The following NOL4 variants were observed in gnomAD, a reference collection of about 807,000 sequenced individuals.
NOL4 encodes cancer/testis antigen 125.
In NOL4, 17 loss-of-function variants were observed where a neutral mutation model predicts 75.9. The ratio of observed to expected loss-of-function variants is 0.22; its 90% CI spans 0.15 to 0.34. NOL4 has a LOEUF of 0.34. NOL4 is among the 10% of genes least tolerant of loss of function. NOL4 has a pLI of 1.00. For missense variants in NOL4, 614 were observed against 793.5 expected (o/e 0.77, Z 2.72); for synonymous variants, 292 against 289.9 (o/e 1.01, Z -0.07).
chr18:33,982,691 T>C (rs1003214048), intron 6 of NOL4, among the ~76,000 whole-genome samples: 3 of 150,840 alleles, frequency 2.0e-5, no homozygotes, highest in African/African-American at 7.3e-5. Flanking sequence ...ACCCAAGATA[T>C]CCTTCAGCAG....
chr18:33,965,628 A>T (rs2070521672), intron 6 of NOL4, among the ~76,000 whole-genome samples: 1 of 152,124 alleles, frequency 6.6e-6, no homozygotes, highest in Non-Finnish European at 1.5e-5. Context: ...TGTGATAGTG[A>T]GTTTTCATGA....
At chr18:34,197,695 C>T (rs967108056) in intron 1 of NOL4, among the ~76,000 whole-genome samples, 2 of 150,948 alleles carry the variant, frequency 1.3e-5, no homozygotes, top group East Asian at 3.9e-4. Flanking sequence ...GAAGTTAATT[C>T]GGTGGAGAGG....
chr18:33,894,345 G>A (rs766556745), intron 9 of NOL4, among the ~76,000 whole-genome samples: 8 of 152,044 alleles, frequency 5.3e-5, no homozygotes, highest in Non-Finnish European at 8.8e-5. Flanking sequence ...ATACAGATAC[G>A]CATACCCTCA....
At chr18:34,218,940 G>A (rs535598231) in intron 1 of NOL4, among the ~76,000 whole-genome samples, 19 of 152,280 alleles carry the variant, frequency 1.2e-4, no homozygotes, top group African/African-American at 4.6e-4. Context: ...CTTTCACTCT[G>A]ATGTAGCATA....
intron 2 of NOL4, chr18:34,121,198 A>T (rs905418508): frequency 6.6e-6 from 1 of 152,228 alleles, no homozygotes; most frequent in African/African-American, 2.4e-5. Context: ...ATTACTTGTG[A>T]CATGAAGAAT....
At chr18:33,972,625 T>C (rs1384720055) in intron 6 of NOL4, among the ~76,000 whole-genome samples, 1 of 152,146 alleles carries the variant, frequency 6.6e-6, no homozygotes, top group Non-Finnish European at 1.5e-5. Context: ...TATACAGGCA[T>C]ACATTGGAGA....
intron 5 of NOL4, among the ~76,000 whole-genome samples, chr18:34,020,528 T>A (rs2074975239): frequency 6.6e-6 from 1 of 152,204 alleles, no homozygotes; most frequent in Admixed American, 6.5e-5. Flanking sequence ...GTTTAATCAT[T>A]GTGTGTATCT....
chr18:34,000,936 T>C (rs1183732550), intron 6 of NOL4, among the ~76,000 whole-genome samples: 1 of 152,114 alleles, frequency 6.6e-6, no homozygotes, highest in Non-Finnish European at 1.5e-5. Context: ...TCATACTGAA[T>C]TATTTTCTAA....
chr18:33,985,231 G>T (rs1417992750), intron 6 of NOL4, among the ~76,000 whole-genome samples: 3 of 152,090 alleles, frequency 2.0e-5, no homozygotes, highest in Non-Finnish European at 4.4e-5. Flanking sequence ...GTTTACCACA[G>T]TTGTAAAATC....
chr18:34,074,536 AATTT>A (rs2077664494), intron 5 of NOL4, among the ~76,000 whole-genome samples: 1 of 151,952 alleles, frequency 6.6e-6, no homozygotes, highest in Non-Finnish European at 1.5e-5. Context: ...TGCTTATCTA[AATTT>A]ATAAGCAATA....
intron 6 of NOL4, among the ~76,000 whole-genome samples, chr18:34,005,035 G>A (rs752879005): frequency 6.6e-6 from 1 of 152,140 alleles, no homozygotes; most frequent in South Asian, 2.1e-4. Flanking sequence ...TAAATGTTGA[G>A]ATACCGTGTT....
intron 2 of NOL4, among the ~76,000 whole-genome samples, chr18:34,113,268 C>T (rs1282640136): frequency 5.9e-5 from 9 of 152,178 alleles, no homozygotes; most frequent in African/African-American, 2.2e-4. Context: ...GCATGAGCAA[C>T]TGCACCTGGC....
At chr18:33,996,164 T>A (rs953551786) in intron 6 of NOL4, among the ~76,000 whole-genome samples, 2 of 151,514 alleles carry the variant, frequency 1.3e-5, no homozygotes, top group African/African-American at 4.8e-5. Context: ...TTCTAGCTAG[T>A]GAAGTTAGAT....
intron 5 of NOL4, among the ~76,000 whole-genome samples, chr18:34,032,638 T>C (rs1234680298): frequency 1.3e-5 from 2 of 152,052 alleles, no homozygotes; most frequent in African/African-American, 4.8e-5. Flanking sequence ...GGGATCCAGA[T>C]AGTTGTCCTG....
Position 33,852,852 on chromosome 18 carries a change from T to C in NOL4, c.1907A>G (p.Gln636Arg). The part of the protein sequence containing the change: ...SADELENLIL[Q>R]QN Reference sequence around the variant, plus strand: ...TGGTGGTCGTCTGTCTCAGTTCTGTTGTAAAATGAGATTTTCCAGTTCATC... The same window carrying C: ...TGGTGGTCGTCTGTCTCAGTTCTGTCGTAAAATGAGATTTTCCAGTTCATC... The change falls in exon 11 of 11, where the codon CAA becomes CGA. Residue 636 changes from glutamine to arginine, a missense_variant. Around this residue, in one of 9 missense-constraint regions of NOL4, gnomAD observed 128 missense variants for 159.9 expected, o/e 0.80. Coordinates refer to ENST00000261592, the MANE Select transcript of NOL4 (RefSeq NM_003787.5). The C allele has an allele frequency of 6.2e-7, 1 of 1,612,128 alleles. No homozygotes were observed. Among genetic ancestry groups the C allele is most frequent in the Non-Finnish European group, 8.5e-7 (1 of 1,178,982 alleles).
At chr18:33,904,443 A>T (rs571877190) in intron 9 of NOL4, among the ~76,000 whole-genome samples, 1 of 152,168 alleles carries the variant, frequency 6.6e-6, no homozygotes, top group South Asian at 2.1e-4. Context: ...CCATGAACTA[A>T]GGGATGGGAG....
intron 1 of NOL4, among the ~76,000 whole-genome samples, chr18:34,200,189 A>T (rs2035631354): frequency 6.6e-6 from 1 of 151,800 alleles, no homozygotes; most frequent in African/African-American, 2.4e-5. Flanking sequence ...CTTCATTTTC[A>T]GCCATCGCTT....
intron 1 of NOL4, among the ~76,000 whole-genome samples, chr18:34,164,448 T>C (rs1313710199): frequency 6.6e-6 from 1 of 152,116 alleles, no homozygotes; most frequent in Non-Finnish European, 1.5e-5. Flanking sequence ...GAACAGACAC[T>C]TCTCAAAAGA....
intron 10 of NOL4, among the ~76,000 whole-genome samples, chr18:33,879,918 A>AT (rs979146554): frequency 1.3e-5 from 2 of 151,848 alleles, no homozygotes; most frequent in African/African-American, 4.8e-5. Flanking sequence ...ATGTACATTC[A>AT]TTTTTTCTAT....
Sources: allele counts gnomAD v4.1 joint callset (sites outside exome capture counted in the v4.1 genomes callset), GRCh38; gene constraint gnomAD v4.1.1; regional missense constraint gnomAD v4.1.1; transcripts MANE v1.5; gene names NCBI Gene and HGNC (gene_info 2026-07-23, HGNC 2026-07-21).